The following SLC17A8 variants were observed in gnomAD, a reference collection of about 807,000 sequenced individuals.
SLC17A8 encodes the protein solute carrier family 17 member 8, also known as vesicular glutamate transporter 3.
In SLC17A8, 31 loss-of-function variants were observed where a neutral mutation model predicts 58.0. The ratio of observed to expected loss-of-function variants is 0.53; its 90% CI spans 0.40 to 0.72. The LOEUF (loss-of-function observed/expected upper bound fraction) is 0.72. SLC17A8 is among the 30% of genes least tolerant of loss of function. SLC17A8 has a pLI of 0.00. For missense variants in SLC17A8, 655 were observed against 727.8 expected (o/e 0.90, Z 1.15); for synonymous variants, 228 against 249.0 (o/e 0.92, Z 0.79).
intron 1 of SLC17A8, among the ~76,000 whole-genome samples, chr12:100,371,557 CT>C (rs1952559080): frequency 6.6e-6 from 1 of 152,036 alleles, no homozygotes; most frequent in Admixed American, 6.6e-5. Context: ...TGTTTGTTTT[CT>C]TTTCTTTTGT....
At chr12:100,397,633 G>T (rs1046263967) in intron 5 of SLC17A8, among the ~76,000 whole-genome samples, 1 of 152,088 alleles carries the variant, frequency 6.6e-6, no homozygotes, top group Non-Finnish European at 1.5e-5. Context: ...GGGGGAAGGG[G>T]CCCATGAAGG....
intron 11 of SLC17A8, among the ~76,000 whole-genome samples, chr12:100,418,702 C>A (rs1952924918): frequency 6.6e-6 from 1 of 152,200 alleles, no homozygotes; most frequent in Non-Finnish European, 1.5e-5. Flanking sequence ...CACATGATTT[C>A]TTTATCTTTG....
At chr12:100,392,902 C>A (rs1385379006) in intron 3 of SLC17A8, among the ~76,000 whole-genome samples, 1 of 152,132 alleles carries the variant, frequency 6.6e-6, no homozygotes, top group East Asian at 1.9e-4. Context: ...CGGTGGGGAA[C>A]CAGGCAGGAT....
chr12:100,361,801 A>C (rs1206746356), intron 1 of SLC17A8, among the ~76,000 whole-genome samples: 1 of 152,066 alleles, frequency 6.6e-6, no homozygotes, highest in Non-Finnish European at 1.5e-5. Flanking sequence ...TCTCTACTAA[A>C]AGACAAAAAA....
At chr12:100,371,540 TTTTG>T (rs1177222849) in intron 1 of SLC17A8, among the ~76,000 whole-genome samples, 11 of 152,146 alleles carry the variant, frequency 7.2e-5, no homozygotes, top group African/African-American at 1.7e-4. Context: ...GGCAAGTTTT[TTTTG>T]TTTGTTTGTT....
rs141238572 is a variant in SLC17A8, at chr12:100,396,052, G to C, written c.589-278G>C. Among the ~76,000 whole-genome samples the C allele has an allele frequency of 2.8e-3, 434 of 152,308 alleles. 4 individuals are homozygous for C. The highest frequency in any genetic ancestry group is 9.7e-3 in the African/African-American group (402 of 41,574). On this transcript the variant is annotated intron_variant, in intron 4 of 11. Coordinates refer to ENST00000323346, the MANE Select transcript of SLC17A8 (RefSeq NM_139319.3). ...TCTGCCCATGGCAGAACGGATGAGGGAGCTCTCTGGAGTTTCTTTTATAAG... is the reference window on the plus strand; with the variant it reads ...TCTGCCCATGGCAGAACGGATGAGGCAGCTCTCTGGAGTTTCTTTTATAAG...
In SLC17A8 at chr12:100,357,253, A is replaced by T; in HGVS notation, c.-139A>T. On this transcript the variant is annotated 5_prime_UTR_variant, in exon 1 of 12. Transcript: ENST00000323346. ...CGAGCTGGGTTTCATCTCCTTTTTG[A>T]TTTTGAGTAGTTCCCTCCACGAGAA... The T allele has an allele frequency of 1.4e-6, 1 of 720,644 alleles. No homozygotes were observed. Among genetic ancestry groups the T allele is most frequent in the Admixed American group, 2.0e-5 (1 of 50,972 alleles). 44.6% of individuals were successfully genotyped at this position (720,644 alleles called of 1,614,324 possible).
At chr12:100,413,474 T>C (rs1468422948) in intron 10 of SLC17A8, among the ~76,000 whole-genome samples, 1 of 152,136 alleles carries the variant, frequency 6.6e-6, no homozygotes, top group Non-Finnish European at 1.5e-5. Context: ...GAATATTCCA[T>C]GAGATCTGCA....
intron 9 of SLC17A8, among the ~76,000 whole-genome samples, chr12:100,408,450 C>T (rs185240915): frequency 8.5e-5 from 13 of 152,186 alleles, no homozygotes; most frequent in African/African-American, 3.1e-4. Flanking sequence ...ATTTCTTAGG[C>T]CTTTAAGTCC....
At chr12:100,361,555 C>T (rs891231815) in intron 1 of SLC17A8, among the ~76,000 whole-genome samples, 4 of 152,218 alleles carry the variant, frequency 2.6e-5, no homozygotes, top group African/African-American at 4.8e-5. Flanking sequence ...TTTACTTCAC[C>T]TCTGTCTTAG....
chr12:100,400,441 C>T (rs142907587), intron 5 of SLC17A8, among the ~76,000 whole-genome samples: 39 of 152,200 alleles, frequency 2.6e-4, no homozygotes, highest in African/African-American at 8.7e-4. Flanking sequence ...CAAAACAACC[C>T]CTTGAGATGG....
At chr12:100,357,592 G>A in intron 1 of SLC17A8, 100 bp downstream of exon 1, 1 of 796,840 alleles carries the variant, frequency 1.3e-6, no homozygotes, top group Non-Finnish European at 2.2e-6. Flanking sequence ...ACTTTAATGA[G>A]GAGAGGATGG....
chr12:100,363,336 C>T (rs1299768809), intron 1 of SLC17A8, among the ~76,000 whole-genome samples: 1 of 152,166 alleles, frequency 6.6e-6, no homozygotes, highest in African/African-American at 2.4e-5. Flanking sequence ...GTTCTGCCCA[C>T]TGGGCACACA....
At chr12:100,407,754 C>T (rs1388143014) in intron 9 of SLC17A8, among the ~76,000 whole-genome samples, 2 of 151,952 alleles carry the variant, frequency 1.3e-5, no homozygotes, top group African/African-American at 2.4e-5. Context: ...TACAGGCACC[C>T]GCCACCACAC....
rs542638696 is a variant in SLC17A8 at position 100,399,146 on chromosome 12, T to G, written c.677-2631T>G. Among the ~76,000 whole-genome samples the G allele has an allele frequency of 2.0e-5, 3 of 152,254 alleles. No individual in the cohort carries two copies. The East Asian group carries it at 5.8e-4, about 29-fold the overall frequency. ...GAAAAAAGATTTAAATTCTTACAGC[T>G]AGTGAGGGCCGAACCGGGGGCTCTT... On this transcript the variant is annotated intron_variant, in intron 5 of 11. Coordinates refer to ENST00000323346, the MANE Select transcript of SLC17A8 (RefSeq NM_139319.3).
intron 9 of SLC17A8, among the ~76,000 whole-genome samples, chr12:100,409,682 A>C (rs984770714): frequency 6.6e-6 from 1 of 152,212 alleles, no homozygotes; most frequent in Non-Finnish European, 1.5e-5. Flanking sequence ...TAGAGGAGGC[A>C]CTATTTAATC....
intron 9 of SLC17A8, among the ~76,000 whole-genome samples, chr12:100,407,540 TA>T (rs1181408762): frequency 2.0e-5 from 3 of 152,186 alleles, no homozygotes; most frequent in Non-Finnish European, 2.9e-5. Flanking sequence ...CTCCCATCTT[TA>T]AAAAATACCT....
rs765872785 is a variant in SLC17A8 at position 100,402,341 on chromosome 12, C to T, written c.765C>T (p.Gly255=). ...IGWSSVFYIY[G]MFGIIWYMFW... is the part of the protein sequence containing the mutation. ...CAGCCTTTTCTTTTTTAACTGCAGG[C>T]ATGTTTGGGATTATTTGGTACATGT... The change falls in exon 7 of 12, where the codon GGC becomes GGT. Residue 255 remains glycine, a splice_region_variant and synonymous_variant. Transcript: ENST00000323346. The T allele has an allele frequency of 1.2e-5, 20 of 1,613,822 alleles. No homozygotes were observed. Among genetic ancestry groups the T allele is most frequent in the Non-Finnish European group, 1.6e-5 (19 of 1,180,004 alleles).
chr12:100,394,827 GTATA>G (rs956962867), intron 4 of SLC17A8, among the ~76,000 whole-genome samples: 2 of 146,402 alleles, frequency 1.4e-5, no homozygotes, highest in Admixed American at 1.4e-4. Context: ...TACATATATA[GTATA>G]TATATAATAT....
Sources: allele counts gnomAD v4.1 joint callset (sites outside exome capture counted in the v4.1 genomes callset), GRCh38; gene constraint gnomAD v4.1.1; transcripts MANE v1.5; gene names NCBI Gene and HGNC (gene_info 2026-07-23, HGNC 2026-07-21).